PHLDB2: variants seen among roughly 807,000 people sequenced by gnomAD.
The protein encoded by PHLDB2 is pleckstrin homology-like domain family B member 2.
Under a neutral mutation model 123.6 loss-of-function variants are expected in PHLDB2, and 71 were observed. That is an observed-to-expected ratio of 0.57 (90% CI 0.47 to 0.70). The LOEUF (loss-of-function observed/expected upper bound fraction) is 0.70, where lower values mean the gene tolerates loss of function less well. Ranked by LOEUF, PHLDB2 falls within the 30% of genes least tolerant of loss-of-function variation. The pLI, the probability that PHLDB2 is intolerant of heterozygous loss-of-function variation, is 0.00. For synonymous variants in PHLDB2, 547 were observed against 541.6 expected, an observed-to-expected ratio of 1.01 and a Z score of -0.14; for missense variants, 1,446 against 1,519.5, an observed-to-expected ratio of 0.95 and a Z score of 0.80.
chr3:111,888,052 C>T (rs1448020713), intron 2 of PHLDB2, among the ~76,000 whole-genome samples: 2 of 151,960 alleles, frequency 1.3e-5, no homozygotes, highest in African/African-American at 4.8e-5. Flanking sequence ...GAGTTAAAAT[C>T]CTTTAAATCA....
intron 1 of PHLDB2, among the ~76,000 whole-genome samples, chr3:111,831,030 A>AAAGAAAGG (rs1559855366): frequency 1.2e-3 from 86 of 72,020 alleles, no homozygotes; most frequent in Non-Finnish European, 1.9e-3. Flanking sequence ...AGAAAGAAAG[A>AAAGAAAGG]AAGGAAGGAA....
At chr3:111,934,723 T>G (rs1429606102) in intron 6 of PHLDB2, among the ~76,000 whole-genome samples, 9 of 152,170 alleles carry the variant, frequency 5.9e-5, no homozygotes, top group Non-Finnish European at 1.3e-4. Context: ...GGCACAGCAA[T>G]CCCTGGGTTA....
At chr3:111,948,905 GT>G (rs1296242091) in intron 9 of PHLDB2, 26 bp from the exon 10 acceptor site, 1 of 1,611,314 alleles carries the variant, frequency 6.2e-7, no homozygotes, top group Admixed American at 1.7e-5. Context: ...CTTTCTTTGT[GT>G]TTAACTTCTG....
intron 2 of PHLDB2, among the ~76,000 whole-genome samples, chr3:111,911,433 C>A (rs956071122): frequency 5.9e-5 from 9 of 152,172 alleles, no homozygotes; most frequent in Non-Finnish European, 1.2e-4. Context: ...CTTACATATG[C>A]TCTTGGAGGT....
intron 1 of PHLDB2, among the ~76,000 whole-genome samples, chr3:111,812,399 A>G (rs1446691604): frequency 6.6e-6 from 1 of 152,240 alleles, no homozygotes; most frequent in Non-Finnish European, 1.5e-5. Context: ...TGGAGAGGAC[A>G]GTATAAACAT....
intron 1 of PHLDB2, among the ~76,000 whole-genome samples, chr3:111,863,226 C>G (rs1419460997): frequency 6.6e-6 from 1 of 152,176 alleles, no homozygotes; most frequent in African/African-American, 2.4e-5. Flanking sequence ...GCAAAGTAGG[C>G]AACAGATGGT....
rs9834540 is a variant in PHLDB2 at position 111,951,234 on chromosome 3, G to A, written c.2632-1338G>A. Among the ~76,000 whole-genome samples the A allele has an allele frequency of 7.5e-3, 1,138 of 152,120 alleles. 10 individuals are homozygous for A. The highest frequency in any genetic ancestry group is 0.026 in the African/African-American group (1,081 of 41,492). On this transcript the variant is annotated intron_variant, in intron 10 of 17. Transcript: ENST00000431670. ...CCTGGCCATGAATTCTAGCTCTGCCGCTGTCCAGCTACATGACTTTGGCCA... is the reference window on the plus strand; with the variant it reads ...CCTGGCCATGAATTCTAGCTCTGCCACTGTCCAGCTACATGACTTTGGCCA...
Position 111,785,727 on chromosome 3 carries a change from G to A in PHLDB2, c.-49+53024G>A, listed in dbSNP as rs182147866. ...AACAAAATCTAGGACACACCAAGAA[G>A]GAAGTCATAATTCTACTACTCTTCA... On this transcript the variant is annotated intron_variant, in intron 1 of 17. Transcript: ENST00000393923. Among the ~76,000 whole-genome samples the A allele has an allele frequency of 4.7e-4, 71 of 152,130 alleles. No individual in the cohort carries two copies. In the East Asian group the frequency reaches 0.012, roughly 26 times the overall value.
chr3:111,780,506 C>T (rs780488472), intron 1 of PHLDB2, among the ~76,000 whole-genome samples: 20 of 151,522 alleles, frequency 1.3e-4, no homozygotes, highest in Non-Finnish European at 2.2e-4. Context: ...GGTGCCAGTG[C>T]CATGCTCTTA....
intron 10 of PHLDB2, chr3:111,949,590 G>C (rs552965431): frequency 1.7e-4 from 96 of 561,356 alleles, no homozygotes; most frequent in Middle Eastern, 1.8e-3. Context: ...CCCATCAATT[G>C]TAACTTCTTA....
At chr3:111,896,120 T>G (rs893437660) in intron 2 of PHLDB2, among the ~76,000 whole-genome samples, 2 of 151,920 alleles carry the variant, frequency 1.3e-5, no homozygotes, top group African/African-American at 4.8e-5. Context: ...GCCCAACTAA[T>G]TTTTGTATTT....
At chr3:111,758,437 T>G (rs2059937480) in intron 1 of PHLDB2, among the ~76,000 whole-genome samples, 1 of 152,212 alleles carries the variant, frequency 6.6e-6, no homozygotes, top group Non-Finnish European at 1.5e-5. Context: ...CCTGGTGCGC[T>G]GTTTTTTAAG....
At chr3:111,962,833 G>A (rs1409872562) in intron 13 of PHLDB2, among the ~76,000 whole-genome samples, 1 of 151,462 alleles carries the variant, frequency 6.6e-6, no homozygotes, top group Non-Finnish European at 1.5e-5. Context: ...GGAGGCTGAG[G>A]CAGGAGAATC....
intron 1 of PHLDB2, chr3:111,732,775 C>A: frequency 7.6e-7 from 1 of 1,317,644 alleles, no homozygotes; most frequent in Non-Finnish European, 1.0e-6. Context: ...GCCTCGTCAC[C>A]AGAGTGTTTC....
At position 111,884,196 on chromosome 3, in the gene PHLDB2, CAAAG is replaced by C. The variant is rs777522989; in HGVS notation, c.123_126del (p.Lys41AsnfsTer6). The C allele has an allele frequency of 4.6e-5, 74 of 1,614,008 alleles. 1 individual carries two copies. In the Middle Eastern group the frequency reaches 4.9e-4, roughly 11 times the overall value. On this transcript the variant is annotated frameshift_variant, in exon 2 of 18. Transcript: ENST00000431670. LOFTEE classifies it high-confidence loss of function. ...CAAAACATGATGGAGAGCCTCAGCC[CAAAG>C]AAATACTCTTCCAGTCTGAGATTTA...
chr3:111,936,023 A>G (rs1449411288), intron 6 of PHLDB2, among the ~76,000 whole-genome samples: 1 of 151,852 alleles, frequency 6.6e-6, no homozygotes, highest in East Asian at 1.9e-4. Context: ...AGTTAACAAA[A>G]CCCTGAGCCC....
intron 6 of PHLDB2, among the ~76,000 whole-genome samples, chr3:111,938,037 C>T (rs1176487985): frequency 1.3e-5 from 2 of 152,036 alleles, no homozygotes; most frequent in Admixed American, 6.5e-5. Flanking sequence ...CTTAAATGTC[C>T]TCAAGATTAT....
chr3:111,748,454 T>C (rs4277659), intron 1 of PHLDB2, among the ~76,000 whole-genome samples: 150,167 of 152,294 alleles, frequency 0.99, 74,073 homozygotes, highest in Middle Eastern at 1. Flanking sequence ...CAAAAGTCCA[T>C]TTCACTTGGT....
intron 1 of PHLDB2, chr3:111,778,554 T>C (rs1463428575): frequency 1.4e-5 from 2 of 140,242 alleles, no homozygotes; most frequent in African/African-American, 6.0e-5. Flanking sequence ...TGCAAAAATA[T>C]GTAAAATGTT....
Sources: allele counts gnomAD v4.1 joint callset (sites outside exome capture counted in the v4.1 genomes callset), GRCh38; gene constraint gnomAD v4.1.1; transcripts MANE v1.5; gene names NCBI Gene and HGNC (gene_info 2026-07-23, HGNC 2026-07-21).